ZNF84: variants seen among roughly 807,000 people sequenced by gnomAD.
ZNF84 encodes zinc finger protein 84.
ZNF84 carries 12 observed loss-of-function variants against 14.8 expected under a neutral mutation model. That is an observed-to-expected ratio of 0.81 (90% confidence interval 0.52 to 1.31). The LOEUF is 1.31. ZNF84 is among the 50% of genes most tolerant of loss of function. ZNF84 has a pLI of 0.00. For missense variants in ZNF84, 859 were observed against 878.6 expected (o/e 0.98, Z 0.28); for synonymous variants, 347 against 291.1 (o/e 1.19, Z -1.96).
intron 2 of ZNF84, among the ~76,000 whole-genome samples, 193 bp downstream of exon 2, chr12:133,041,675 A>G (rs1261521135): frequency 6.6e-6 from 1 of 152,256 alleles, no homozygotes; most frequent in African/African-American, 2.4e-5. Flanking sequence ...TTGAGTATTT[A>G]TAGCATATTT....
At chr12:133,050,266 T>C (rs1954049211) in intron 4 of ZNF84, among the ~76,000 whole-genome samples, 1 of 152,190 alleles carries the variant, frequency 6.6e-6, no homozygotes, top group Non-Finnish European at 1.5e-5. Context: ...ACTGTGAGAA[T>C]ATTCCTCAGT....
chr12:133,058,203 C>T lies in ZNF84; in HGVS notation c.1488C>T (p.Phe496=), dbSNP rs1954196260. The part of the protein sequence containing the change: ...PYECSECGKA[F]SEKLSLTNHQ... ...AATGCAGTGAGTGTGGGAAAGCTTT[C>T]AGTGAAAAATTAAGTCTCACTAATC... Residue 496 remains phenylalanine (F), a synonymous_variant, in exon 5 of 5, where the codon TTC becomes TTT. Coordinates refer to ENST00000539354, the MANE Select transcript of ZNF84 (RefSeq NM_001289971.2). 3.9e-5 allele frequency: 63 copies of T among 1,613,678 alleles called. No homozygotes were observed. Among genetic ancestry groups the T allele is most frequent in the Non-Finnish European group, 4.2e-5 (49 of 1,179,950 alleles).
rs1418698531 is a variant in ZNF84 at position 133,062,894 on chromosome 12, T to A, written c.*3962T>A. The A allele has an allele frequency of 1.9e-6, 1 of 528,772 alleles. No individual in the cohort carries two copies. Among genetic ancestry groups the A allele is most frequent in the East Asian group, 2.8e-5 (1 of 35,412 alleles). 32.8% of individuals were successfully genotyped at this position (528,772 alleles called of 1,614,324 possible). On this transcript the variant is annotated 3_prime_UTR_variant, in exon 5 of 5. Coordinates refer to ENST00000539354, the MANE Select transcript of ZNF84 (RefSeq NM_001289971.2). Reference sequence around the variant, plus strand: ...ACTTATGTTTTTGCAAATCTGCAATTGAAATGCCCTTGTTCCTTGTTAATG... The same window carrying A: ...ACTTATGTTTTTGCAAATCTGCAATAGAAATGCCCTTGTTCCTTGTTAATG...
At chr12:133,050,423 T>C (rs1272694031) in intron 4 of ZNF84, 3 of 398,488 alleles carry the variant, frequency 7.5e-6, no homozygotes, top group Middle Eastern at 1.3e-3. Context: ...CTCAAGAAAG[T>C]TCTTGGGTAG....
At chr12:133,044,575 CAGAT>C (rs1169608433) in intron 2 of ZNF84, among the ~76,000 whole-genome samples, 2 of 152,022 alleles carry the variant, frequency 1.3e-5, no homozygotes, top group African/African-American at 4.8e-5. Context: ...AGGATTAATT[CAGAT>C]TTTGTTTCTT....
At position 133,050,429 on chromosome 12, in the gene ZNF84, G is replaced by C. The variant is rs1206275468; in HGVS notation, c.238+1581G>C. On this transcript the variant is annotated intron_variant, in intron 4 of 4. Coordinates refer to ENST00000539354, the MANE Select transcript of ZNF84 (RefSeq NM_001289971.2). The stretch of plus-strand genomic sequence containing the variant: ...TGCTTTCAGCTCAAGAAAGTTCTTG[G>C]GTAGAGAGTTGTGAGTGCCTCGGGT... The C allele has an allele frequency of 1.8e-5, 7 of 398,460 alleles. No homozygotes were observed. In the South Asian group the frequency reaches 7.7e-4, roughly 44 times the overall value. 24.7% of individuals were successfully genotyped at this position (398,460 alleles called of 1,614,324 possible). A position where few individuals can be genotyped will look rare whatever the true frequency, so the allele number is the denominator to read the frequency against.
chr12:133,048,761 G>T lies in ZNF84; in HGVS notation c.151G>T (p.Val51Phe), dbSNP rs1175301443. The T allele has an allele frequency of 1.2e-6, 2 of 1,613,650 alleles. No homozygotes were observed. The highest frequency in any genetic ancestry group is 1.7e-6 in the Non-Finnish European group (2 of 1,179,730). Residue 51 changes from valine (V) to phenylalanine (F), a missense_variant, in exon 4 of 5, where the codon GTT becomes TTT. Transcript: ENST00000539354. Reference protein sequence around the residue: ...YSSLVSLGYEVMKPDVIFKLE... With the variant: ...YSSLVSLGYEFMKPDVIFKLE... ...GATTTTTCCCTTAACAGGGTATGAA[G>T]TTATGAAACCAGATGTCATCTTCAA...
chr12:133,048,920 T>A, intron 4 of ZNF84, 72 bp downstream of exon 4: 1 of 1,261,378 alleles, frequency 7.9e-7, no homozygotes, highest in Non-Finnish European at 1.1e-6. Flanking sequence ...ACGGGTGGGC[T>A]AGTCAGTGAT....
chr12:133,038,644 G>GA (rs72528841), intron 1 of ZNF84, among the ~76,000 whole-genome samples: 141,259 of 152,108 alleles, frequency 0.93, 65,806 homozygotes, highest in East Asian at 1. Flanking sequence ...GATTGGAGTC[G>GA]ATGAGTTATA....
In ZNF84 at chr12:133,059,867, T is replaced by G. The variant is rs1954228358; in HGVS notation, c.*935T>G. On this transcript the variant is annotated 3_prime_UTR_variant, in exon 5 of 5. Transcript: ENST00000539354. The stretch of plus-strand genomic sequence containing the variant: ...TTAACTTATAGACATACATAAGGGG[T>G]CTTTTGTTTTTATGGACCTTTCTAT... The G allele has an allele frequency of 6.6e-6, 1 of 152,050 alleles. No individual in the cohort carries two copies. Among genetic ancestry groups the G allele is most frequent in the Non-Finnish European group, 1.5e-5 (1 of 67,998 alleles). 9.4% of individuals were successfully genotyped at this position (152,050 alleles called of 1,614,324 possible).
At chr12:133,047,057 C>T (rs914777880) in intron 2 of ZNF84, among the ~76,000 whole-genome samples, 1 of 150,442 alleles carries the variant, frequency 6.6e-6, no homozygotes, top group Admixed American at 6.7e-5. Context: ...CCGCATTGGC[C>T]TCCAAAGTGC....
chr12:133,039,840 C>T (rs1033562923), intron 1 of ZNF84, among the ~76,000 whole-genome samples: 1 of 150,628 alleles, frequency 6.6e-6, no homozygotes, highest in Non-Finnish European at 1.5e-5. Context: ...AAAAGACACA[C>T]TGTTGGTTTG....
rs930138965 is a variant in ZNF84, at chr12:133,059,147, A to G, written c.*215A>G. ...TCAAAAACTTTTAAAACCATAGACA[A>G]GCCTTATAGAGTAGAACATTCACAG... On this transcript the variant is annotated 3_prime_UTR_variant, in exon 5 of 5. Transcript: ENST00000539354. 2 of 497,516 alleles carry G rather than the reference A, an allele frequency of 4.0e-6. No homozygotes were observed. The highest frequency in any genetic ancestry group is 3.5e-6 in the Non-Finnish European group (1 of 285,624). The allele number at this position is 497,516 out of a possible 1,614,324, so 30.8% of individuals were successfully genotyped here. A position where few individuals can be genotyped will look rare whatever the true frequency, so the allele number is the denominator to read the frequency against.
chr12:133,041,253 C>G, intron 1 of ZNF84, 25 bp from the exon 2 acceptor site: 1 of 547,628 alleles, frequency 1.8e-6, no homozygotes, highest in Non-Finnish European at 3.2e-6. Flanking sequence ...GTGAATATAC[C>G]AGTTGAAGTA....
Position 133,057,957 on chromosome 12 carries a change from G to C in ZNF84, c.1242G>C (p.Glu414Asp). 1.9e-6 allele frequency: 3 copies of C among 1,613,852 alleles called. No homozygotes were observed. The highest frequency in any genetic ancestry group is 2.5e-6 in the Non-Finnish European group (3 of 1,179,992). Residue 414 changes from glutamate to aspartate, a missense_variant, in exon 5 of 5, where the codon GAG becomes GAC. By Grantham distance (45) the Glu-to-Asp change is conservative. Transcript: ENST00000539354. ...GCGAGTGTAGGAAAGCATTTAGAGA[G>C]AGGTCGAGTCTCATTAATCATCAGA... ...ECSECRKAFRERSSLINHQRT... is the reference protein window; with the variant it reads ...ECSECRKAFRDRSSLINHQRT...
At position 133,060,009 on chromosome 12, in the gene ZNF84, CTG is replaced by C. The variant is rs1954231548; in HGVS notation, c.*1078_*1079del. 1 of 152,080 alleles carries C rather than the reference CTG, an allele frequency of 6.6e-6. No homozygotes were observed. The highest frequency in any genetic ancestry group is 1.5e-5 in the Non-Finnish European group (1 of 68,012). 9.4% of individuals were successfully genotyped at this position (152,080 alleles called of 1,614,324 possible). On this transcript the variant is annotated 3_prime_UTR_variant, in exon 5 of 5. Coordinates refer to ENST00000539354, the MANE Select transcript of ZNF84 (RefSeq NM_001289971.2). ...ACAGAATAACCATAGTAATATATAA[CTG>C]AATGAGCAAAATAAAGGTGTGTGAA...
chr12:133,050,986 A>G (rs1266943247), intron 4 of ZNF84, among the ~76,000 whole-genome samples: 2 of 152,104 alleles, frequency 1.3e-5, no homozygotes, highest in African/African-American at 4.8e-5. Flanking sequence ...CATTGGCGTG[A>G]TCATAGGTCA....
intron 2 of ZNF84, among the ~76,000 whole-genome samples, chr12:133,043,281 G>A (rs1431631441): frequency 3.9e-5 from 6 of 151,916 alleles, no homozygotes; most frequent in African/African-American, 1.2e-4. Context: ...GGGTTCAAGC[G>A]ATTCTCCTGA....
At position 133,062,500 on chromosome 12, in the gene ZNF84, CTTA is replaced by C. The variant is rs1477821057; in HGVS notation, c.*3572_*3574del. On this transcript the variant is annotated 3_prime_UTR_variant, in exon 5 of 5. Transcript: ENST00000539354. ...TGTCCAGGTTGTCAATTTCAGAGGT[CTTA>C]TTAGTCTATACAGGTACCAATGAGC... 2.0e-5 allele frequency: 3 copies of C among 152,668 alleles called. No homozygotes were observed. The highest frequency in any genetic ancestry group is 7.2e-5 in the African/African-American group (3 of 41,448). The allele number at this position is 152,668 out of a possible 1,614,324, so 9.5% of individuals were successfully genotyped here. A position where few individuals can be genotyped will look rare whatever the true frequency, so the allele number is the denominator to read the frequency against.
Sources: gnomAD v4.1 joint callset for allele counts (sites outside exome capture counted in the v4.1 genomes callset) on GRCh38, gnomAD v4.1.1 for gene constraint, MANE v1.5 for transcripts, NCBI Gene and HGNC (gene_info 2026-07-23, HGNC 2026-07-21) for gene names.